MAML3: variants seen among roughly 807,000 people sequenced by gnomAD.
MAML3 encodes mastermind-like protein 3.
MAML3 carries 27 observed loss-of-function variants against 101.9 expected under a neutral mutation model. That is an observed-to-expected ratio of 0.27 (90% CI 0.20 to 0.37). The LOEUF is 0.37. Among genes scored for constraint, MAML3 ranks in the 10% least tolerant of loss-of-function variants. The pLI is 1.00. For synonymous variants in MAML3, 501 were observed against 555.9 expected (o/e 0.90, Z 1.39); for missense variants, 1,316 against 1,444.9 (o/e 0.91, Z 1.45).
chr4:139,944,027 C>A (rs1018180880), intron 1 of MAML3, among the ~76,000 whole-genome samples: 3 of 151,846 alleles, frequency 2.0e-5, no homozygotes, highest in African/African-American at 7.3e-5. Flanking sequence ...TGCGCCACCA[C>A]ACCCGACTAA....
chr4:139,935,596 A>G (rs1092316), intron 1 of MAML3, among the ~76,000 whole-genome samples: 49,757 of 147,912 alleles, frequency 0.34, 9,402 homozygotes, highest in African/African-American at 0.53. Flanking sequence ...TTTATCTAAC[A>G]CTTATTCTCA....
chr4:139,719,393 T>C lies in MAML3; in HGVS notation c.3347A>G (p.Asp1116Gly). ...PGLPDGADLV[D>G]SIIKGGPGDE... ...CCCTGGCCCGCCTTTGATGATGGAG[T>C]CCACAAGGTCTGCACCGTCCGGGAG... The change falls in exon 5 of 5, where the codon GAC becomes GGC. Residue 1116 changes from aspartate to glycine, a missense_variant. Coordinates refer to ENST00000509479, the MANE Select transcript of MAML3 (RefSeq NM_018717.5). 6.2e-7 allele frequency: 1 copy of C among 1,613,612 alleles called. No homozygotes were observed. Among genetic ancestry groups the C allele is most frequent in the Non-Finnish European group, 8.5e-7 (1 of 1,179,694 alleles).
At chr4:139,841,592 A>G (rs1177236475) in intron 2 of MAML3, among the ~76,000 whole-genome samples, 1 of 152,230 alleles carries the variant, frequency 6.6e-6, no homozygotes, top group African/African-American at 2.4e-5. Context: ...GCAGTGTGTC[A>G]ATGTAAACAG....
intron 1 of MAML3, among the ~76,000 whole-genome samples, chr4:139,989,880 CACAG>C (rs1734630803): frequency 3.4e-5 from 2 of 58,162 alleles, no homozygotes; most frequent in African/African-American, 7.8e-5. Context: ...CACACACACA[CACAG>C]AGAGAGAGAG....
chr4:140,041,944 T>C (rs908628023), intron 1 of MAML3, among the ~76,000 whole-genome samples: 1 of 152,120 alleles, frequency 6.6e-6, no homozygotes, highest in African/African-American at 2.4e-5. Flanking sequence ...GTTCAAGAGA[T>C]AAAAATAGAA....
intron 1 of MAML3, among the ~76,000 whole-genome samples, chr4:139,975,522 C>A (rs1376066497): frequency 6.6e-6 from 1 of 152,142 alleles, no homozygotes; most frequent in African/African-American, 2.4e-5. Context: ...CTACCATATT[C>A]TACCATGTGA....
intron 1 of MAML3, among the ~76,000 whole-genome samples, chr4:139,929,986 C>T (rs1173065540): frequency 6.6e-6 from 1 of 152,172 alleles, no homozygotes; most frequent in Non-Finnish European, 1.5e-5. Flanking sequence ...ACTCCTGCAT[C>T]CACCTGCTTT....
chr4:139,988,243 C>T (rs1578630759), intron 1 of MAML3, among the ~76,000 whole-genome samples: 1 of 145,980 alleles, frequency 6.9e-6, no homozygotes, highest in Non-Finnish European at 1.5e-5. Flanking sequence ...AGAAGAAACA[C>T]TGAATCCTGG....
chr4:139,944,696 A>G (rs1307841600), intron 1 of MAML3, among the ~76,000 whole-genome samples: 2 of 148,506 alleles, frequency 1.3e-5, no homozygotes, highest in East Asian at 3.9e-4. Flanking sequence ...ACACATGAAA[A>G]AATGCTCATC....
chr4:139,772,240 CAAAAAAAAA>C (rs1213721738), intron 2 of MAML3, among the ~76,000 whole-genome samples: 1 of 39,266 alleles, frequency 2.5e-5, no homozygotes, highest in Non-Finnish European at 3.8e-5. Context: ...ACTCCGTTCT[CAAAAAAAAA>C]AAAAAAAAAA....
chr4:139,977,045 T>A (rs1734352173), intron 1 of MAML3, among the ~76,000 whole-genome samples: 1 of 152,138 alleles, frequency 6.6e-6, no homozygotes. Flanking sequence ...CAGAGCCTCA[T>A]GAATGGGATT....
intron 2 of MAML3, among the ~76,000 whole-genome samples, chr4:139,860,910 T>C (rs1279750408): frequency 6.6e-6 from 1 of 152,182 alleles, no homozygotes; most frequent in African/African-American, 2.4e-5. Context: ...TCTAAATTTC[T>C]CAGTGTCCAT....
At chr4:140,142,648 T>A (rs1728995516) in intron 1 of MAML3, among the ~76,000 whole-genome samples, 3 of 152,206 alleles carry the variant, frequency 2.0e-5, no homozygotes, top group Admixed American at 6.5e-5. Flanking sequence ...TTTATCCCCT[T>A]GAGGCCATAC....
intron 1 of MAML3, among the ~76,000 whole-genome samples, chr4:139,913,423 CT>C (rs1449048462): frequency 6.6e-6 from 1 of 152,030 alleles, no homozygotes; most frequent in Non-Finnish European, 1.5e-5. Flanking sequence ...CTGCTTTTTC[CT>C]TTTTCTGACT....
chr4:140,128,612 G>A (rs1233189034), intron 1 of MAML3, among the ~76,000 whole-genome samples: 2 of 152,136 alleles, frequency 1.3e-5, no homozygotes, highest in Non-Finnish European at 2.9e-5. Flanking sequence ...TGTCAAAAAA[G>A]GGTGCACCCA....
intron 1 of MAML3, among the ~76,000 whole-genome samples, chr4:140,135,582 A>T (rs748115867): frequency 1.4e-4 from 21 of 152,268 alleles, no homozygotes; most frequent in Admixed American, 2.6e-4. Context: ...GGCCTGGGTC[A>T]GCCACCGTAC....
Position 140,154,109 on chromosome 4 carries a change from G to GCCGCCA in MAML3, c.-783_-782insTGGCGG. On this transcript the variant is annotated 5_prime_UTR_variant, in exon 1 of 5. Coordinates refer to ENST00000509479, the MANE Select transcript of MAML3 (RefSeq NM_018717.5). ...CCACCATCACAATGATCAACTGCTC[G>GCCGCCA]CCGCCGCCGCCGCCGCCGCCTCCTC... 1 of 178,140 alleles carries GCCGCCA rather than the reference G, an allele frequency of 5.6e-6. No individual in the cohort carries two copies. Among genetic ancestry groups the GCCGCCA allele is most frequent in the Non-Finnish European group, 1.2e-5 (1 of 84,492 alleles). The allele number at this position is 178,140 out of a possible 1,614,324, so 11.0% of individuals were successfully genotyped here.
intron 2 of MAML3, among the ~76,000 whole-genome samples, chr4:139,800,662 C>G (rs1046489878): frequency 1.3e-5 from 2 of 152,146 alleles, no homozygotes; most frequent in African/African-American, 2.4e-5. Flanking sequence ...ATCAGAAAGG[C>G]CTCCGATTTG....
At chr4:139,791,848 GTTTAGCAGCCAAC>G (rs1366637870) in intron 2 of MAML3, among the ~76,000 whole-genome samples, 3 of 152,104 alleles carry the variant, frequency 2.0e-5, no homozygotes, top group Admixed American at 6.6e-5. Context: ...ATAAGCTATT[GTTTAGCAGCCAAC>G]TCCCCAGCAT....
Sources: gnomAD v4.1 joint callset for allele counts (sites outside exome capture counted in the v4.1 genomes callset) on GRCh38, gnomAD v4.1.1 for gene constraint, MANE v1.5 for transcripts, NCBI Gene and HGNC (gene_info 2026-07-23, HGNC 2026-07-21) for gene names.